Variants in TIAM1 observed in about 807,000 individuals in gnomAD.
TIAM1 encodes the protein rho guanine nucleotide exchange factor TIAM1.
Under a neutral mutation model 163.5 loss-of-function variants are expected in TIAM1, and 65 were observed. The observed-to-expected ratio is 0.40, with a 90% CI of 0.33 to 0.49. The LOEUF is 0.49. TIAM1 is among the 20% of genes least tolerant of loss of function. TIAM1 has a pLI of 0.77. For missense variants in TIAM1, 1,789 were observed against 2,044.7 expected (o/e 0.87, Z 2.41); for synonymous variants, 833 against 810.1 (o/e 1.03, Z -0.48).
In TIAM1 at chr21:31,181,756, CTTTTTTTTTTTTTT is replaced by C. The variant is rs781153297; in HGVS notation, c.2887+651_2887+664del. ...CCCAGCACTTCTTCTTCTTCTTCTT[CTTTTTTTTTTTTTT>C]TTTTTTTTTTTTTTTTTTTTTTTTT... On this transcript the variant is annotated intron_variant, in intron 15 of 27. Coordinates refer to ENST00000541036, the MANE Select transcript of TIAM1 (RefSeq NM_001353694.2). 1.6e-3 allele frequency among the ~76,000 whole-genome samples: 68 copies of C among 41,338 alleles called. 2 individuals carry two copies. The highest frequency in any genetic ancestry group is 3.7e-3 in the Admixed American group (11 of 3,010). The allele number at this position is 41,338 out of a possible 152,430, so 27.1% of individuals were successfully genotyped here. A position where few individuals can be genotyped will look rare whatever the true frequency, so the allele number is the denominator to read the frequency against.
intron 7 of TIAM1, among the ~76,000 whole-genome samples, chr21:31,223,955 C>A (rs1306491457): frequency 6.6e-6 from 1 of 152,060 alleles, no homozygotes; most frequent in Non-Finnish European, 1.5e-5. Flanking sequence ...GGTTTTCATA[C>A]AAAGAAAAGT....
At chr21:31,386,428 C>A (rs1037272575) in intron 2 of TIAM1, among the ~76,000 whole-genome samples, 1 of 152,126 alleles carries the variant, frequency 6.6e-6, no homozygotes, top group Non-Finnish European at 1.5e-5. Flanking sequence ...CAAAATCAAA[C>A]CCACACCAAA....
chr21:31,130,765 A>C, intron 24 of TIAM1, 125 bp downstream of exon 24: 1 of 867,616 alleles, frequency 1.2e-6, no homozygotes. Context: ...ATCCTTAGCA[A>C]TGCTTAAGAA....
intron 2 of TIAM1, among the ~76,000 whole-genome samples, chr21:31,423,408 T>C (rs1361781779): frequency 6.6e-6 from 1 of 151,996 alleles, no homozygotes; most frequent in African/African-American, 2.4e-5. Context: ...TGGCACTATC[T>C]TGAAGATGTG....
At chr21:31,351,793 C>T (rs940739415) in intron 2 of TIAM1, among the ~76,000 whole-genome samples, 6 of 150,874 alleles carry the variant, frequency 4.0e-5, no homozygotes, top group Non-Finnish European at 5.9e-5. Context: ...TCTGGCAGGG[C>T]GTGGTGGCTC....
chr21:31,406,783 T>C (rs1215688885), intron 2 of TIAM1, among the ~76,000 whole-genome samples: 2 of 152,128 alleles, frequency 1.3e-5, no homozygotes, highest in East Asian at 3.9e-4. Flanking sequence ...TATGTGTCAC[T>C]CTACCCCTCC....
At chr21:31,249,531 G>C (rs79027342) in intron 5 of TIAM1, among the ~76,000 whole-genome samples, 1 of 152,090 alleles carries the variant, frequency 6.6e-6, no homozygotes, top group African/African-American at 2.4e-5. Flanking sequence ...GGTGATCTTC[G>C]GATCAAGCTA....
intron 2 of TIAM1, among the ~76,000 whole-genome samples, chr21:31,447,270 A>G (rs1476596539): frequency 6.6e-6 from 1 of 151,992 alleles, no homozygotes; most frequent in Admixed American, 6.6e-5. Context: ...AGCAACTGGG[A>G]AAAAAATTTT....
At chr21:31,214,639 G>C (rs2087079399) in intron 9 of TIAM1, among the ~76,000 whole-genome samples, 1 of 152,014 alleles carries the variant, frequency 6.6e-6, no homozygotes, top group Non-Finnish European at 1.5e-5. Flanking sequence ...ATGAAAATTA[G>C]AATAGGGTAA....
At chr21:31,166,772 G>A (rs1418089573) in intron 15 of TIAM1, among the ~76,000 whole-genome samples, 1 of 152,196 alleles carries the variant, frequency 6.6e-6, no homozygotes, top group Non-Finnish European at 1.5e-5. Flanking sequence ...TTTTGCACAG[G>A]GGCAATGACC....
chr21:31,233,974 G>A (rs182586143), intron 6 of TIAM1, among the ~76,000 whole-genome samples: 68 of 152,260 alleles, frequency 4.5e-4, no homozygotes, highest in African/African-American at 1.3e-3. Context: ...ATCGTCAACC[G>A]GAGTCTCTCC....
intron 1 of TIAM1, among the ~76,000 whole-genome samples, chr21:31,491,029 G>A (rs1430970049): frequency 6.6e-6 from 1 of 152,234 alleles, no homozygotes; most frequent in Non-Finnish European, 1.5e-5. Flanking sequence ...AGAGGCGGAG[G>A]CTGAGGCAGG....
At chr21:31,418,341 CAAAAAA>C (rs71193114) in intron 2 of TIAM1, among the ~76,000 whole-genome samples, 18 of 34,746 alleles carry the variant, frequency 5.2e-4, no homozygotes, top group Non-Finnish European at 8.6e-4. Context: ...GACTCTGTCT[CAAAAAA>C]AAAAAAAAAA....
At chr21:31,465,949 G>A (rs1055909256) in intron 1 of TIAM1, among the ~76,000 whole-genome samples, 3 of 152,054 alleles carry the variant, frequency 2.0e-5, no homozygotes, top group African/African-American at 7.2e-5. Flanking sequence ...CTTGTGATCC[G>A]CCCGCCTCGG....
intron 2 of TIAM1, among the ~76,000 whole-genome samples, chr21:31,304,648 A>G (rs1306626025): frequency 1.3e-5 from 2 of 152,158 alleles, no homozygotes; most frequent in Admixed American, 6.5e-5. Context: ...GTAAATCCTG[A>G]CAACAGATTA....
At chr21:31,377,205 GAT>G (rs2076703409) in intron 2 of TIAM1, among the ~76,000 whole-genome samples, 1 of 128,588 alleles carries the variant, frequency 7.8e-6, no homozygotes, top group Non-Finnish European at 1.6e-5. Flanking sequence ...TTTTTTTTAA[GAT>G]AGATTTAAGA....
chr21:31,468,213 C>T (rs773312329), intron 1 of TIAM1, among the ~76,000 whole-genome samples: 1 of 151,750 alleles, frequency 6.6e-6, no homozygotes, highest in Non-Finnish European at 1.5e-5. Flanking sequence ...CAGTGGCTCA[C>T]GCATGTAATC....
chr21:31,197,376 TTTC>T (rs1287250300), intron 12 of TIAM1, among the ~76,000 whole-genome samples: 29 of 150,178 alleles, frequency 1.9e-4, no homozygotes, highest in African/African-American at 7.3e-4. Context: ...CATTTTCTTT[TTTC>T]TTTTTTTTTT....
At chr21:31,285,727 G>A (rs1266099077) in intron 2 of TIAM1, among the ~76,000 whole-genome samples, 1 of 152,124 alleles carries the variant, frequency 6.6e-6, no homozygotes, top group East Asian at 1.9e-4. Flanking sequence ...TGAGTGTGGT[G>A]GCCCACACCT....
Sources: gnomAD v4.1 joint callset for allele counts (sites outside exome capture counted in the v4.1 genomes callset) on GRCh38, gnomAD v4.1.1 for gene constraint, MANE v1.5 for transcripts, NCBI Gene and HGNC (gene_info 2026-07-23, HGNC 2026-07-21) for gene names.